Variants in RICTOR observed in about 807,000 individuals in gnomAD.
RICTOR encodes RPTOR independent companion of MTOR complex 2.
A neutral mutation model predicts 214.9 loss-of-function variants in RICTOR; 49 were observed. The observed-to-expected ratio is 0.23, with a 90% CI of 0.18 to 0.29. The LOEUF (loss-of-function observed/expected upper bound fraction) is 0.29. RICTOR is among the 10% of genes least tolerant of loss of function. The pLI is 1.00. For synonymous variants in RICTOR, 717 were observed against 711.3 expected (o/e 1.01, Z -0.13); for missense variants, 1,625 against 2,047.0 (o/e 0.79, Z 3.98).
Position 38,950,087 on chromosome 5 carries a change from C to T in RICTOR, c.3761G>A (p.Ser1254Asn), listed in dbSNP as rs2112851151. ...DATTMDTDCG[S>N]MSTVVSTKTI... Reference sequence around the variant, plus strand: ...TTTAGTACTTACCACAGTACTCATGCTTCCACAGTCTGTGTCCATAGTTGT... The same window carrying T: ...TTTAGTACTTACCACAGTACTCATGTTTCCACAGTCTGTGTCCATAGTTGT... Residue 1254 changes from serine to asparagine, a missense_variant, in exon 31 of 38, where the codon AGC becomes AAC. Transcript: ENST00000357387. 6.2e-7 allele frequency: 1 copy of T among 1,613,182 alleles called. No homozygotes were observed. The highest frequency in any genetic ancestry group is 8.5e-7 in the Non-Finnish European group (1 of 1,179,630).
At chr5:38,944,643 T>G in intron 35 of RICTOR, 74 bp from the exon 36 acceptor site, 2 of 1,314,628 alleles carry the variant, frequency 1.5e-6, no homozygotes, top group Non-Finnish European at 2.1e-6. Flanking sequence ...GAAATTTATT[T>G]TTAAACTTCA....
At chr5:38,969,534 T>C (rs960257308) in intron 11 of RICTOR, among the ~76,000 whole-genome samples, 1 of 13,172 alleles carries the variant, frequency 7.6e-5, no homozygotes, top group Non-Finnish European at 3.8e-4. Context: ...GTCTGTAAAG[T>C]CTACAGTAGT....
chr5:38,990,915 T>C (rs1462501179), intron 7 of RICTOR, 34 bp downstream of exon 7: 2 of 1,454,958 alleles, frequency 1.4e-6, no homozygotes, highest in African/African-American at 2.8e-5. Context: ...CTTTCTAAAA[T>C]ATTACATTTT....
At chr5:38,949,387 A>G in intron 31 of RICTOR, 1 of 1,592,162 alleles carries the variant, frequency 6.3e-7, no homozygotes, top group Non-Finnish European at 8.5e-7. Context: ...GTAGGTCTTA[A>G]GCTCCTGATT....
chr5:39,054,060 C>CTACA (rs1176553740), intron 2 of RICTOR, among the ~76,000 whole-genome samples: 1 of 151,862 alleles, frequency 6.6e-6, no homozygotes, highest in Non-Finnish European at 1.5e-5. Flanking sequence ...CCAGCCTGGG[C>CTACA]TACGGTGTGA....
chr5:38,946,281 G>C (rs1025461701), intron 33 of RICTOR, among the ~76,000 whole-genome samples, 187 bp downstream of exon 33: 1 of 152,156 alleles, frequency 6.6e-6, no homozygotes, highest in African/African-American at 2.4e-5. Context: ...ACACTGTTAA[G>C]TCCCTCACAC....
intron 7 of RICTOR, among the ~76,000 whole-genome samples, chr5:38,986,179 T>C (rs1580001848): frequency 6.6e-6 from 1 of 152,276 alleles, no homozygotes; most frequent in East Asian, 1.9e-4. Flanking sequence ...GTTCTCGTGA[T>C]AGTGAATCTC....
intron 2 of RICTOR, among the ~76,000 whole-genome samples, chr5:39,028,114 A>G (rs1180412613): frequency 6.6e-6 from 1 of 151,542 alleles, no homozygotes; most frequent in African/African-American, 2.4e-5. Context: ...TTATAAGAAT[A>G]GCTAAAATCA....
At chr5:38,960,271 T>C in intron 20 of RICTOR, 127 bp downstream of exon 20, 1 of 951,240 alleles carries the variant, frequency 1.1e-6, no homozygotes, top group Non-Finnish European at 1.6e-6. Flanking sequence ...GATCATTTCT[T>C]ATGTTTCCAA....
At chr5:38,992,864 T>C (rs1229273719) in intron 6 of RICTOR, among the ~76,000 whole-genome samples, 1 of 152,092 alleles carries the variant, frequency 6.6e-6, no homozygotes, top group Non-Finnish European at 1.5e-5. Context: ...GGCAGACATA[T>C]AAAACAAATT....
intron 3 of RICTOR, among the ~76,000 whole-genome samples, chr5:39,011,889 A>G (rs543893009): frequency 3.1e-4 from 47 of 152,276 alleles, no homozygotes; most frequent in African/African-American, 1.0e-3. Context: ...CTTGTCTCCA[A>G]TGAAACTTTG....
At chr5:39,034,302 G>C (rs535724442) in intron 2 of RICTOR, among the ~76,000 whole-genome samples, 8 of 152,216 alleles carry the variant, frequency 5.3e-5, no homozygotes, top group Non-Finnish European at 1.0e-4. Context: ...CATTTGAACA[G>C]AGCATCTATT....
At chr5:38,958,110 G>A (rs916993147) in intron 24 of RICTOR, among the ~76,000 whole-genome samples, 4 of 151,864 alleles carry the variant, frequency 2.6e-5, no homozygotes, top group East Asian at 1.9e-4. Context: ...GGTGGTGTGC[G>A]CCTTTAGTCC....
rs755602782 is a variant in RICTOR, at chr5:38,981,958, C to T, written c.662G>A (p.Ser221Asn). The T allele has an allele frequency of 1.9e-6, 3 of 1,613,114 alleles. No individual in the cohort carries two copies. In the East Asian group the frequency reaches 6.7e-5, roughly 36 times the overall value. ...ILKNVIDCQL[S>N]RINEALITTI... The stretch of plus-strand genomic sequence containing the variant: ...AGTAATTAGGGCCTCATTTATTCGA[C>T]TTAATTGGCAATCGATCACATTTTT... The change falls in exon 8 of 38, where the codon AGT (serine) becomes AAT (asparagine). Residue 221 changes from serine to asparagine, a missense_variant. Physicochemically the swap from Ser to Asn is conservative, Grantham distance 46 (BLOSUM62 1). Transcript: ENST00000357387.
intron 6 of RICTOR, among the ~76,000 whole-genome samples, chr5:38,995,409 A>C (rs913521048): frequency 6.6e-6 from 1 of 152,068 alleles, no homozygotes; most frequent in Non-Finnish European, 1.5e-5. Context: ...TGGGGACCAG[A>C]GGTGGGGGGA....
At chr5:38,994,419 T>TAAAAAAAAAAAAAAAAAA (rs869254811) in intron 6 of RICTOR, among the ~76,000 whole-genome samples, 1 of 57,144 alleles carries the variant, frequency 1.7e-5, no homozygotes, top group Non-Finnish European at 3.1e-5. Context: ...AAGGTTTTAC[T>TAAAAAAAAAAAAAAAAAA]AAAAAAAAAA....
intron 36 of RICTOR, chr5:38,943,268 A>C (rs772552411): frequency 2.7e-5 from 6 of 223,464 alleles, no homozygotes; most frequent in Non-Finnish European, 4.4e-5. Context: ...GCCTAGGATG[A>C]TTAAAATATG....
At chr5:38,955,972 T>C in intron 25 of RICTOR, among the ~76,000 whole-genome samples, 1 of 152,016 alleles carries the variant, frequency 6.6e-6, no homozygotes, top group Non-Finnish European at 1.5e-5. Context: ...TTCAACATAT[T>C]GAAAATTCAT....
Position 38,955,544 on chromosome 5 carries a change from TAAA to T in RICTOR, c.2609+48_2609+50del, listed in dbSNP as rs773181681. 3.0e-6 allele frequency: 3 copies of T among 990,834 alleles called. No individual in the cohort carries two copies. The African/African-American group carries it at 4.8e-5, about 16-fold the overall frequency. The allele number at this position is 990,834 out of a possible 1,614,324, so 61.4% of individuals were successfully genotyped here. On this transcript the variant is annotated intron_variant, in intron 26 of 37. Transcript: ENST00000357387. ...AGAATATACAAAAACTCAGAAATGT[TAAA>T]AATAATTTATGATGAACTAGTTTTA...
Sources: allele counts gnomAD v4.1 joint callset (sites outside exome capture counted in the v4.1 genomes callset), GRCh38; gene constraint gnomAD v4.1.1; transcripts MANE v1.5; gene names NCBI Gene and HGNC (gene_info 2026-07-23, HGNC 2026-07-21).